Variants in FHIT observed in about 807,000 individuals in gnomAD.
The protein encoded by FHIT is fragile histidine triad diadenosine triphosphatase.
In FHIT, 19 loss-of-function variants were observed where a neutral mutation model predicts 17.9. The ratio of observed to expected loss-of-function variants is 1.06; its 90% CI spans 0.74 to 1.56. The LOEUF is 1.56. FHIT is among the 40% of genes most tolerant of loss of function. The pLI, the probability that FHIT is intolerant of heterozygous loss-of-function variation, is 0.00. For synonymous variants in FHIT, 81 were observed against 69.7 expected (o/e 1.16, Z -0.81); for missense variants, 248 against 189.2 (o/e 1.31, Z -1.82).
intron 5 of FHIT, among the ~76,000 whole-genome samples, chr3:60,049,212 G>A (rs1701774084): frequency 1.3e-5 from 2 of 152,076 alleles, no homozygotes; most frequent in African/African-American, 4.8e-5. Flanking sequence ...TACAAATTAT[G>A]TTCTTCTTCT....
At chr3:60,671,162 G>A (rs2040494885) in intron 4 of FHIT, among the ~76,000 whole-genome samples, 1 of 152,148 alleles carries the variant, frequency 6.6e-6, no homozygotes, top group South Asian at 2.1e-4. Context: ...TAACTAGATT[G>A]GGAGAGTGGA....
At chr3:59,835,581 C>G (rs971568450) in intron 8 of FHIT, among the ~76,000 whole-genome samples, 1 of 152,094 alleles carries the variant, frequency 6.6e-6, no homozygotes, top group Non-Finnish European at 1.5e-5. Context: ...ACATGAAAGA[C>G]TGGGTCCTGA....
intron 4 of FHIT, among the ~76,000 whole-genome samples, chr3:60,629,888 C>T (rs577949246): frequency 6.6e-6 from 1 of 152,164 alleles, no homozygotes; most frequent in Non-Finnish European, 1.5e-5. Context: ...ATTTTATTCA[C>T]TCTAGTATTC....
intron 8 of FHIT, among the ~76,000 whole-genome samples, chr3:59,913,834 CTA>C (rs1705001603): frequency 6.6e-6 from 1 of 152,102 alleles, no homozygotes; most frequent in Non-Finnish European, 1.5e-5. Flanking sequence ...CAATAAACCA[CTA>C]TGTTGACTCA....
chr3:60,628,468 G>C (rs2039352931), intron 4 of FHIT, among the ~76,000 whole-genome samples: 1 of 152,136 alleles, frequency 6.6e-6, no homozygotes, highest in Admixed American at 6.5e-5. Context: ...CTCACACCCA[G>C]CTGTTATGCT....
intron 8 of FHIT, among the ~76,000 whole-genome samples, chr3:59,860,130 A>T (rs959748431): frequency 1.1e-4 from 17 of 152,152 alleles, no homozygotes; most frequent in African/African-American, 2.9e-4. Flanking sequence ...CTTCAGAATT[A>T]AAAAAAATAC....
At chr3:60,036,470 G>A (rs1179769923) in intron 5 of FHIT, among the ~76,000 whole-genome samples, 1 of 152,176 alleles carries the variant, frequency 6.6e-6, no homozygotes, top group African/African-American at 2.4e-5. Flanking sequence ...TCTGTATAAT[G>A]AGAGTTTCAT....
intron 5 of FHIT, among the ~76,000 whole-genome samples, chr3:60,442,575 A>G (rs1311541203): frequency 6.6e-6 from 1 of 152,060 alleles, no homozygotes; most frequent in Non-Finnish European, 1.5e-5. Context: ...CTAAGATCAG[A>G]TAGTTGTAGA....
intron 3 of FHIT, among the ~76,000 whole-genome samples, chr3:60,837,505 G>C (rs1302911269): frequency 6.6e-6 from 1 of 152,064 alleles, no homozygotes; most frequent in African/African-American, 2.4e-5. Context: ...TTGAAAGTGA[G>C]CTTCTCATAG....
At chr3:60,586,222 C>G (rs1315630926) in intron 4 of FHIT, among the ~76,000 whole-genome samples, 2 of 151,860 alleles carry the variant, frequency 1.3e-5, no homozygotes, top group African/African-American at 4.8e-5. Context: ...CAGATCCTGT[C>G]AAAATGAATA....
intron 3 of FHIT, among the ~76,000 whole-genome samples, chr3:60,925,878 G>T (rs1553769731): frequency 6.6e-6 from 1 of 151,726 alleles, no homozygotes; most frequent in African/African-American, 2.4e-5. Flanking sequence ...CCAAGCAAAT[G>T]GAAAACAAAA....
At chr3:60,415,047 C>T (rs569029140) in intron 5 of FHIT, among the ~76,000 whole-genome samples, 28 of 152,166 alleles carry the variant, frequency 1.8e-4, no homozygotes, top group Non-Finnish European at 3.1e-4. Context: ...AAGTGAGGCC[C>T]GGGAATGTGC....
At chr3:60,596,736 A>G (rs2038283414) in intron 4 of FHIT, among the ~76,000 whole-genome samples, 1 of 152,156 alleles carries the variant, frequency 6.6e-6, no homozygotes, top group South Asian at 2.1e-4. Flanking sequence ...CATCTCAGGT[A>G]GAGACTCTGG....
intron 5 of FHIT, among the ~76,000 whole-genome samples, chr3:60,019,602 G>A (rs148360229): frequency 0.015 from 2,225 of 152,034 alleles, 42 homozygotes; most frequent in African/African-American, 0.05. Context: ...ATTTTTAGTA[G>A]AGATGGGGTT....
chr3:60,820,383 G>A (rs1397094742), intron 4 of FHIT, among the ~76,000 whole-genome samples: 1 of 152,004 alleles, frequency 6.6e-6, no homozygotes, highest in Non-Finnish European at 1.5e-5. Context: ...ATATGTAAAG[G>A]CTCATATGAA....
intron 5 of FHIT, among the ~76,000 whole-genome samples, chr3:60,240,942 G>A (rs1705099681): frequency 6.6e-6 from 1 of 152,078 alleles, no homozygotes; most frequent in African/African-American, 2.4e-5. Flanking sequence ...TTCTCACACA[G>A]GAGGAATTAA....
chr3:60,590,386 C>T (rs1320437926), intron 4 of FHIT, among the ~76,000 whole-genome samples: 1 of 152,038 alleles, frequency 6.6e-6, no homozygotes, highest in African/African-American at 2.4e-5. Context: ...ACCACTTTTA[C>T]ACTCCACCCC....
chr3:61,209,006 G>A (rs1341513372), intron 1 of FHIT, among the ~76,000 whole-genome samples: 2 of 151,932 alleles, frequency 1.3e-5, no homozygotes, highest in Non-Finnish European at 2.9e-5. Flanking sequence ...TTTTAGGGCT[G>A]GCCTGGTGGT....
At chr3:61,148,781 GTTATT>G (rs1264564020) in intron 2 of FHIT, among the ~76,000 whole-genome samples, 12 of 152,022 alleles carry the variant, frequency 7.9e-5, no homozygotes, top group African/African-American at 2.4e-4. Flanking sequence ...TCCTTTTATG[GTTATT>G]TTATTTTAAC....
Sources: gnomAD v4.1 joint callset for allele counts (sites outside exome capture counted in the v4.1 genomes callset) on GRCh38, gnomAD v4.1.1 for gene constraint, MANE v1.5 for transcripts, NCBI Gene and HGNC (gene_info 2026-07-23, HGNC 2026-07-21) for gene names.